Variants in AIG1 observed in about 807,000 individuals in gnomAD.
AIG1 encodes androgen induced 1.
AIG1 carries 23 observed loss-of-function variants against 31.4 expected under a neutral mutation model. The ratio of observed to expected loss-of-function variants is 0.73; its 90% confidence interval spans 0.53 to 1.04. AIG1 has a LOEUF of 1.04. Among genes scored for constraint, AIG1 ranks in the 50% least tolerant of loss-of-function variants. The pLI is 0.00. For missense variants in AIG1, 274 were observed against 295.0 expected, an observed-to-expected ratio of 0.93 and a Z score of 0.52; for synonymous variants, 100 against 110.5, an observed-to-expected ratio of 0.90 and a Z score of 0.60.
intron 1 of AIG1, among the ~76,000 whole-genome samples, chr6:143,081,792 C>G (rs1212604586): frequency 6.6e-6 from 1 of 152,118 alleles, no homozygotes; most frequent in Non-Finnish European, 1.5e-5. Flanking sequence ...AAACTATGTC[C>G]TCGTGAGTTT....
intron 4 of AIG1, among the ~76,000 whole-genome samples, chr6:143,320,077 A>G (rs575862248): frequency 6.6e-6 from 1 of 152,332 alleles, no homozygotes; most frequent in South Asian, 2.1e-4. Flanking sequence ...TTGAATAGAC[A>G]TTTCTTCAAA....
intron 1 of AIG1, among the ~76,000 whole-genome samples, chr6:143,086,754 T>C (rs1344066791): frequency 6.6e-6 from 1 of 152,062 alleles, no homozygotes; most frequent in Non-Finnish European, 1.5e-5. Context: ...GATTCAAAGG[T>C]AAGGAGAATT....
intron 3 of AIG1, among the ~76,000 whole-genome samples, chr6:143,181,491 C>G (rs1583437401): frequency 6.6e-6 from 1 of 152,188 alleles, no homozygotes; most frequent in South Asian, 2.1e-4. Flanking sequence ...TTAGTTCTAA[C>G]AAGTCCAGTC....
intron 3 of AIG1, among the ~76,000 whole-genome samples, chr6:143,192,789 T>G (rs1472694527): frequency 6.6e-6 from 1 of 152,114 alleles, no homozygotes; most frequent in Non-Finnish European, 1.5e-5. Flanking sequence ...TGACCTATGA[T>G]CCATCCATTT....
intron 3 of AIG1, among the ~76,000 whole-genome samples, chr6:143,166,942 C>T (rs1384639398): frequency 6.6e-6 from 1 of 152,120 alleles, no homozygotes. Flanking sequence ...TCTGAACAAG[C>T]AAAACATTAA....
Position 143,339,740 on chromosome 6 carries a change from T to C in AIG1, c.*64T>C. On this transcript the variant is annotated 3_prime_UTR_variant, in exon 6 of 6. Coordinates refer to ENST00000357847, the MANE Select transcript of AIG1 (RefSeq NM_016108.4). ...TTGAAGACTCCTTCCCCTCGGGCAT[T>C]GGCAGTGGGGGAGAAAAGGCTTCAA... 1 of 1,571,122 alleles carries C rather than the reference T, an allele frequency of 6.4e-7. No homozygotes were observed. The highest frequency in any genetic ancestry group is 2.3e-5 in the East Asian group (1 of 44,128).
At chr6:143,162,719 A>G (rs73590497) in intron 2 of AIG1, among the ~76,000 whole-genome samples, 2,594 of 152,300 alleles carry the variant, frequency 0.017, 65 homozygotes, top group African/African-American at 0.057. Flanking sequence ...CTCACCCTCC[A>G]GAAACACATG....
intron 3 of AIG1, among the ~76,000 whole-genome samples, chr6:143,229,587 G>A (rs1004972188): frequency 7.2e-5 from 11 of 152,122 alleles, no homozygotes; most frequent in Non-Finnish European, 1.3e-4. Flanking sequence ...CTGCTATGAT[G>A]TCATTGCTTG....
chr6:143,274,243 A>G (rs1796738583), intron 3 of AIG1, among the ~76,000 whole-genome samples: 1 of 152,158 alleles, frequency 6.6e-6, no homozygotes, highest in Non-Finnish European at 1.5e-5. Flanking sequence ...CTGGTGCTCC[A>G]TAGGCAGCAG....
At chr6:143,273,386 G>A (rs1796675573) in intron 3 of AIG1, among the ~76,000 whole-genome samples, 1 of 152,106 alleles carries the variant, frequency 6.6e-6, no homozygotes, top group Admixed American at 6.5e-5. Flanking sequence ...ACTTTTCCGT[G>A]CTCTTTAAGA....
At chr6:143,080,183 G>A (rs533639888) in intron 1 of AIG1, among the ~76,000 whole-genome samples, 18 of 151,332 alleles carry the variant, frequency 1.2e-4, no homozygotes, top group East Asian at 3.9e-4. Flanking sequence ...GCTGACAACC[G>A]CTCTTAACTG....
intron 3 of AIG1, among the ~76,000 whole-genome samples, chr6:143,198,916 C>G (rs1028769639): frequency 1.3e-5 from 2 of 152,132 alleles, no homozygotes; most frequent in Non-Finnish European, 2.9e-5. Flanking sequence ...GATTGTGGGA[C>G]AAATAGCAGC....
At chr6:143,107,013 G>T (rs6919707) in intron 1 of AIG1, among the ~76,000 whole-genome samples, 18,932 of 152,118 alleles carry the variant, frequency 0.12, 3,488 homozygotes, top group African/African-American at 0.41. Flanking sequence ...CATTGGGTGT[G>T]GAGTTGCAAC....
chr6:143,066,641 A>G lies in AIG1; in HGVS notation c.141+5575A>G, dbSNP rs192469635. On this transcript the variant is annotated intron_variant, in intron 1 of 5. Coordinates refer to ENST00000357847, the MANE Select transcript of AIG1 (RefSeq NM_016108.4). ...CTGTGATATAACAAAAAAATGTAAG[A>G]AATTACAATTTGAAAATAAAAGAAA... Among the ~76,000 whole-genome samples, 7 of 152,358 alleles carry G rather than the reference A, an allele frequency of 4.6e-5. No homozygotes were observed. In the East Asian group the frequency reaches 1.2e-3, roughly 25 times the overall value.
intron 3 of AIG1, among the ~76,000 whole-genome samples, chr6:143,263,976 T>G (rs1795980880): frequency 6.6e-6 from 1 of 152,246 alleles, no homozygotes; most frequent in Non-Finnish European, 1.5e-5. Context: ...CGAACTATAG[T>G]CCTTGTTAGT....
chr6:143,238,362 C>A (rs1793972715), intron 3 of AIG1, among the ~76,000 whole-genome samples: 1 of 152,172 alleles, frequency 6.6e-6, no homozygotes, highest in Admixed American at 6.5e-5. Context: ...ATAACAACAA[C>A]CCAGGCAGAA....
intron 3 of AIG1, among the ~76,000 whole-genome samples, chr6:143,241,949 C>T (rs560507224): frequency 1.3e-5 from 2 of 152,084 alleles, no homozygotes; most frequent in Non-Finnish European, 1.5e-5. Context: ...AGATTTGGGT[C>T]CCATCGCCAA....
chr6:143,315,347 A>T (rs942815369), intron 4 of AIG1, among the ~76,000 whole-genome samples: 1 of 152,140 alleles, frequency 6.6e-6, no homozygotes, highest in African/African-American at 2.4e-5. Flanking sequence ...ATTGAAAGTC[A>T]AAAGGCCCAG....
chr6:143,327,905 G>A lies in AIG1; in HGVS notation c.516-5377G>A, dbSNP rs1234412437. ...ATCTTTAAGATGGGCAAAATGAGAT[G>A]TCTTAAGAACAGTTTGATAAACTGC... On this transcript the variant is annotated intron_variant, in intron 4 of 5. Transcript: ENST00000357847. The surrounding 1 kb of genome is among the most constrained non-coding windows in gnomAD (Gnocchi z 5.3). 6.6e-6 allele frequency among the ~76,000 whole-genome samples: 1 copy of A among 152,144 alleles called. No individual in the cohort carries two copies. The highest frequency in any genetic ancestry group is 1.5e-5 in the Non-Finnish European group (1 of 68,022).
Sources: gnomAD v4.1 joint callset for allele counts (sites outside exome capture counted in the v4.1 genomes callset) on GRCh38, gnomAD v4.1.1 for gene constraint, Gnocchi (gnomAD v3.1) non-coding constraint, MANE v1.5 for transcripts, NCBI Gene and HGNC (gene_info 2026-07-23, HGNC 2026-07-21) for gene names.